Variants in ARID4B observed in about 807,000 individuals in gnomAD.
ARID4B encodes the protein AT-rich interaction domain 4B, also known as AT-rich interactive domain-containing protein 4B.
A neutral mutation model predicts 147.5 loss-of-function variants in ARID4B; 26 were observed. The ratio of observed to expected loss-of-function variants is 0.18; its 90% confidence interval spans 0.13 to 0.24. ARID4B has a LOEUF of 0.24. ARID4B is among the 10% of genes least tolerant of loss of function. The pLI is 1.00. For missense variants in ARID4B, 1,179 were observed against 1,511.5 expected (o/e 0.78, Z 3.65); for synonymous variants, 512 against 507.9 (o/e 1.01, Z -0.11).
chr1:235,225,340 G>C (rs1667762227), intron 11 of ARID4B, among the ~76,000 whole-genome samples: 2 of 152,144 alleles, frequency 1.3e-5, no homozygotes, highest in South Asian at 2.1e-4. Flanking sequence ...TTCAGACTTA[G>C]GGAAATCTTC....
rs2103044865 is a variant in ARID4B, at chr1:235,229,370, A to C, written c.758T>G (p.Leu253Arg). 6.2e-7 allele frequency: 1 copy of C among 1,613,100 alleles called. No homozygotes were observed. The highest frequency in any genetic ancestry group is 1.1e-5 in the South Asian group (1 of 90,898). ...AVLKQAFEQA[L>R]EFHKSRTIPA... is the part of the protein sequence containing the mutation. ...AATAGTTCTACTTTTGTGAAATTCA[A>C]GTGCCTGTTCAAAGGCTGGAAACAG... The change falls in exon 11 of 24, where the codon CTT (leucine) becomes CGT (arginine). Residue 253 changes from leucine to arginine, a missense_variant. Physicochemically the swap from Leu to Arg is moderately radical, Grantham distance 102. This residue lies in a region of ARID4B where 159 missense variants were observed against 190.5 expected (regional missense o/e 0.83). Coordinates refer to ENST00000264183, the MANE Select transcript of ARID4B (RefSeq NM_016374.6).
chr1:235,310,674 G>T (rs938652315), intron 2 of ARID4B, among the ~76,000 whole-genome samples: 15 of 152,102 alleles, frequency 9.9e-5, no homozygotes, highest in Admixed American at 3.3e-4. Flanking sequence ...ACGTGTTTTT[G>T]ATTTTGTTTT....
chr1:235,225,014 A>T (rs1667732383), intron 11 of ARID4B, among the ~76,000 whole-genome samples: 1 of 152,168 alleles, frequency 6.6e-6, no homozygotes, highest in Admixed American at 6.5e-5. Flanking sequence ...CACAGTAAAA[A>T]TTCCCATATG....
intron 2 of ARID4B, among the ~76,000 whole-genome samples, chr1:235,302,899 A>G (rs1673280207): frequency 6.6e-6 from 1 of 152,158 alleles, no homozygotes; most frequent in Non-Finnish European, 1.5e-5. Flanking sequence ...TGCCAGGATT[A>G]GAATTCAGTT....
At chr1:235,169,108 T>G (rs906199592) in intron 23 of ARID4B, among the ~76,000 whole-genome samples, 5 of 152,220 alleles carry the variant, frequency 3.3e-5, no homozygotes, top group Admixed American at 6.5e-5. Flanking sequence ...CTTAATTGCT[T>G]CTTCAAGTTG....
chr1:235,286,696 G>C (rs186603290), intron 2 of ARID4B, among the ~76,000 whole-genome samples: 1 of 152,210 alleles, frequency 6.6e-6, no homozygotes, highest in Admixed American at 6.5e-5. Context: ...GAGTTCTGGA[G>C]AAGCAAGGCC....
chr1:235,314,773 A>T (rs1398526120), intron 2 of ARID4B, among the ~76,000 whole-genome samples: 4 of 152,076 alleles, frequency 2.6e-5, no homozygotes, highest in Non-Finnish European at 5.9e-5. Flanking sequence ...CTATCAGTAA[A>T]ATATGTTTAT....
intron 22 of ARID4B, among the ~76,000 whole-genome samples, chr1:235,173,772 ATATATATATATATATATATATAT>A (rs1378664712): frequency 2.0e-4 from 3 of 14,684 alleles, no homozygotes; most frequent in African/African-American, 5.7e-4. Flanking sequence ...AAAAAAAAAA[ATATATATATATATATATATATAT>A]ATATATATAT....
intron 23 of ARID4B, 121 bp downstream of exon 23, chr1:235,172,497 G>C: frequency 1.7e-6 from 1 of 603,204 alleles, no homozygotes; most frequent in Non-Finnish European, 2.6e-6. Flanking sequence ...AGAACTGTTT[G>C]AACCCAGGAG....
At chr1:235,253,579 T>C (rs962421250) in intron 5 of ARID4B, among the ~76,000 whole-genome samples, 1 of 152,244 alleles carries the variant, frequency 6.6e-6, no homozygotes, top group African/African-American at 2.4e-5. Context: ...ATGTTACATA[T>C]ACATTTATAT....
chr1:235,258,905 A>T (rs1670138647), intron 3 of ARID4B, among the ~76,000 whole-genome samples: 1 of 152,252 alleles, frequency 6.6e-6, no homozygotes, highest in Admixed American at 6.5e-5. Flanking sequence ...ATGTTCAACA[A>T]ATGAAAACAG....
chr1:235,307,313 C>T (rs184075087), intron 2 of ARID4B, among the ~76,000 whole-genome samples: 70 of 152,224 alleles, frequency 4.6e-4, no homozygotes, highest in African/African-American at 1.5e-3. Context: ...AATGTGGTGG[C>T]GCAAGCCTGT....
chr1:235,176,761 T>C, intron 21 of ARID4B: 2 of 453,158 alleles, frequency 4.4e-6, no homozygotes, highest in Non-Finnish European at 9.0e-6. Context: ...CTGGAAGTCA[T>C]ATGGGCTCAG....
intron 2 of ARID4B, among the ~76,000 whole-genome samples, chr1:235,323,873 T>C (rs1675025733): frequency 6.6e-6 from 1 of 151,958 alleles, no homozygotes; most frequent in Admixed American, 6.6e-5. Context: ...CTCCTTATAA[T>C]GTGGTACTGC....
chr1:235,241,443 C>T (rs1324384671), intron 7 of ARID4B, among the ~76,000 whole-genome samples: 2 of 152,140 alleles, frequency 1.3e-5, no homozygotes, highest in African/African-American at 2.4e-5. Flanking sequence ...GTCTTTGATG[C>T]CTTTCCAAAA....
chr1:235,237,230 A>G (rs1668667872), intron 8 of ARID4B, among the ~76,000 whole-genome samples: 1 of 152,034 alleles, frequency 6.6e-6, no homozygotes, highest in African/African-American at 2.4e-5. Flanking sequence ...GAAAGAAAGA[A>G]AGAATCGCAA....
chr1:235,240,090 C>T (rs376031248), intron 8 of ARID4B, among the ~76,000 whole-genome samples: 1 of 152,018 alleles, frequency 6.6e-6, no homozygotes, highest in East Asian at 1.9e-4. Flanking sequence ...AATTCAACTT[C>T]CACATAGCTA....
chr1:235,247,357 A>C (rs1669361143), intron 6 of ARID4B, among the ~76,000 whole-genome samples: 1 of 152,346 alleles, frequency 6.6e-6, no homozygotes, highest in South Asian at 2.1e-4. Context: ...AATATGTAAA[A>C]AGAAATGTTA....
At chr1:235,279,329 G>C (rs1441747785) in intron 2 of ARID4B, among the ~76,000 whole-genome samples, 2 of 152,068 alleles carry the variant, frequency 1.3e-5, no homozygotes, top group East Asian at 3.9e-4. Context: ...GAACCACGTA[G>C]TATGAGGTAT....
Sources: allele counts gnomAD v4.1 joint callset (sites outside exome capture counted in the v4.1 genomes callset), GRCh38; gene constraint gnomAD v4.1.1; regional missense constraint gnomAD v4.1.1; transcripts MANE v1.5; gene names NCBI Gene and HGNC (gene_info 2026-07-23, HGNC 2026-07-21).